RALA: variants seen among roughly 807,000 people sequenced by gnomAD.
RALA encodes RAS like proto-oncogene A.
RALA carries 5 observed loss-of-function variants against 24.0 expected under a neutral mutation model. The ratio of observed to expected loss-of-function variants is 0.21; its 90% confidence interval spans 0.11 to 0.44. The LOEUF (loss-of-function observed/expected upper bound fraction) is 0.44. RALA is among the 20% of genes least tolerant of loss of function. RALA has a pLI of 0.99. For missense variants in RALA, 95 were observed against 241.2 expected, an observed-to-expected ratio of 0.39 and a Z score of 4.01; for synonymous variants, 77 against 83.8, an observed-to-expected ratio of 0.92 and a Z score of 0.44.
chr7:39,666,368 A>C (rs1464809559), intron 1 of RALA, among the ~76,000 whole-genome samples: 2 of 152,308 alleles, frequency 1.3e-5, no homozygotes, highest in East Asian at 3.9e-4. Context: ...GTGTGTTGGA[A>C]GGTGATGAAC....
intron 1 of RALA, among the ~76,000 whole-genome samples, chr7:39,650,957 A>G (rs1360460260): frequency 6.6e-6 from 1 of 152,204 alleles, no homozygotes; most frequent in Admixed American, 6.5e-5. Flanking sequence ...CTTCCCCTGT[A>G]GAAAGTAATG....
chr7:39,652,311 G>A (rs952255969), intron 1 of RALA, among the ~76,000 whole-genome samples: 2 of 152,196 alleles, frequency 1.3e-5, no homozygotes, highest in African/African-American at 4.8e-5. Flanking sequence ...TTCAACATGA[G>A]TTGGGACAAA....
chr7:39,680,344 C>G (rs1007919425), intron 1 of RALA, among the ~76,000 whole-genome samples: 11 of 150,742 alleles, frequency 7.3e-5, no homozygotes, highest in African/African-American at 2.7e-4. Context: ...CCATTGCACT[C>G]CAGCCTGGGC....
intron 1 of RALA, among the ~76,000 whole-genome samples, chr7:39,674,052 AATAAAT>A (rs1562618725): frequency 1.3e-4 from 15 of 112,078 alleles, no homozygotes; most frequent in Admixed American, 4.4e-4. Context: ...TAAATAAATA[AATAAAT>A]AAATAAATAA....
intron 1 of RALA, among the ~76,000 whole-genome samples, chr7:39,674,102 G>A (rs375304460): frequency 6.6e-6 from 1 of 151,020 alleles, no homozygotes; most frequent in African/African-American, 2.4e-5. Flanking sequence ...GTTGAGGGGG[G>A]GTGGTCTTAC....
rs896071480 is a variant in RALA, at chr7:39,699,133, T to A, written c.498+2274T>A. Among the ~76,000 whole-genome samples, 628 of 118,680 alleles carry A rather than the reference T, an allele frequency of 5.3e-3. 10 individuals carry two copies. The highest frequency in any genetic ancestry group is 0.02 in the African/African-American group (602 of 30,004). The allele number at this position is 118,680 out of a possible 152,430, so 77.9% of individuals were successfully genotyped here. The stretch of plus-strand genomic sequence containing the variant: ...TGCTAAAAATGTTATTTTTTTTTTT[T>A]TTTTTTTTTTTTTTTTTTGAGACGG... On this transcript the variant is annotated intron_variant, in intron 4 of 4. Transcript: ENST00000005257.
chr7:39,640,692 A>G (rs910905439), intron 1 of RALA, among the ~76,000 whole-genome samples: 2 of 152,174 alleles, frequency 1.3e-5, no homozygotes, highest in Admixed American at 1.3e-4. Context: ...TCTGGTCTTA[A>G]TTCTTCCATG....
intron 1 of RALA, among the ~76,000 whole-genome samples, chr7:39,671,985 A>T (rs899451070): frequency 1.3e-5 from 2 of 152,082 alleles, no homozygotes; most frequent in Non-Finnish European, 2.9e-5. Flanking sequence ...CCATCTCTTT[A>T]TAATAAATTA....
At chr7:39,664,276 A>G (rs562425646) in intron 1 of RALA, among the ~76,000 whole-genome samples, 1 of 152,304 alleles carries the variant, frequency 6.6e-6, no homozygotes, top group South Asian at 2.1e-4. Flanking sequence ...AGGAAGAGAT[A>G]AACACCAGCT....
rs532371264 is a variant in RALA, at chr7:39,656,085, A to G, written c.-37-30546A>G. On this transcript the variant is annotated intron_variant, in intron 1 of 4. Coordinates refer to ENST00000005257, the MANE Select transcript of RALA (RefSeq NM_005402.4). ...GTCCCTTTGGTGTTTTAGTGAGTAT[A>G]TAGTTTTTTTGTAGTGGCAGAGTCA... Among the ~76,000 whole-genome samples the G allele has an allele frequency of 3.3e-5, 5 of 152,330 alleles. No homozygotes were observed. The South Asian group carries it at 1.0e-3, about 32-fold the overall frequency.
At chr7:39,686,886 A>G (rs576209376) in intron 2 of RALA, 105 bp downstream of exon 2, 2 of 811,752 alleles carry the variant, frequency 2.5e-6, no homozygotes, top group South Asian at 4.1e-5. Flanking sequence ...CCTTGAAATT[A>G]CTAATAATTT....
At chr7:39,633,794 A>G (rs1791639889) in intron 1 of RALA, among the ~76,000 whole-genome samples, 1 of 152,090 alleles carries the variant, frequency 6.6e-6, no homozygotes, top group Non-Finnish European at 1.5e-5. Context: ...GGCAGGAATG[A>G]TTTGTTGGTG....
intron 1 of RALA, among the ~76,000 whole-genome samples, chr7:39,685,643 G>A (rs2116064618): frequency 6.6e-6 from 1 of 151,478 alleles, no homozygotes; most frequent in South Asian, 2.1e-4. Context: ...ATTAAACAGT[G>A]GATGCTCTGA....
chr7:39,642,031 T>C (rs1791826609), intron 1 of RALA, among the ~76,000 whole-genome samples: 1 of 152,202 alleles, frequency 6.6e-6, no homozygotes, highest in Admixed American at 6.5e-5. Flanking sequence ...GGAACAGCCC[T>C]TAAGGGGTCA....
chr7:39,658,773 G>A (rs1235253528), intron 1 of RALA, among the ~76,000 whole-genome samples: 1 of 151,184 alleles, frequency 6.6e-6, no homozygotes, highest in Non-Finnish European at 1.5e-5. Context: ...TTTAGGGATG[G>A]AGTCTTACCA....
At chr7:39,676,240 G>T (rs550255726) in intron 1 of RALA, among the ~76,000 whole-genome samples, 1 of 152,166 alleles carries the variant, frequency 6.6e-6, no homozygotes, top group Non-Finnish European at 1.5e-5. Flanking sequence ...CTCCCAAAGT[G>T]CTGGGATTAC....
At chr7:39,625,688 T>C (rs1347294366) in intron 1 of RALA, among the ~76,000 whole-genome samples, 1 of 152,236 alleles carries the variant, frequency 6.6e-6, no homozygotes, top group Non-Finnish European at 1.5e-5. Flanking sequence ...ATTACAACAC[T>C]TTCTTCACAG....
intron 1 of RALA, among the ~76,000 whole-genome samples, chr7:39,635,992 C>G (rs1369388492): frequency 6.6e-6 from 1 of 152,138 alleles, no homozygotes; most frequent in Non-Finnish European, 1.5e-5. Flanking sequence ...GCTACTTTCA[C>G]CTAACATAAT....
At chr7:39,670,560 G>A (rs1048383304) in intron 1 of RALA, among the ~76,000 whole-genome samples, 2 of 152,160 alleles carry the variant, frequency 1.3e-5, no homozygotes, top group African/African-American at 4.8e-5. Flanking sequence ...TTCAAAAGGT[G>A]ATGTATCCTT....
Sources: gnomAD v4.1 joint callset for allele counts (sites outside exome capture counted in the v4.1 genomes callset) on GRCh38, gnomAD v4.1.1 for gene constraint, MANE v1.5 for transcripts, NCBI Gene and HGNC (gene_info 2026-07-23, HGNC 2026-07-21) for gene names.